The following PALLD variants were observed in gnomAD, a reference collection of about 807,000 sequenced individuals.
PALLD encodes palladin, cytoskeletal associated protein, also known as palladin.
PALLD carries 61 observed loss-of-function variants against 123.5 expected under a neutral mutation model. The ratio of observed to expected loss-of-function variants is 0.49; its 90% CI spans 0.40 to 0.61. The LOEUF (loss-of-function observed/expected upper bound fraction) is 0.61. Ranked by LOEUF, PALLD falls within the 20% of genes least tolerant of loss-of-function variation. PALLD has a pLI of 0.00. For missense variants in PALLD, 1,273 were observed against 1,377.0 expected (o/e 0.92, Z 1.20); for synonymous variants, 465 against 496.4 (o/e 0.94, Z 0.84).
intron 2 of PALLD, among the ~76,000 whole-genome samples, chr4:168,526,215 T>C (rs1247155774): frequency 1.3e-5 from 2 of 152,176 alleles, no homozygotes; most frequent in African/African-American, 4.8e-5. Flanking sequence ...TACTATTTGG[T>C]TTCAGCAGTT....
intron 2 of PALLD, among the ~76,000 whole-genome samples, chr4:168,614,508 G>A (rs2149778187): frequency 6.6e-6 from 1 of 152,082 alleles, no homozygotes; most frequent in East Asian, 1.9e-4. Flanking sequence ...AAACCATAAA[G>A]CAGCAATAAA....
chr4:168,866,589 C>A (rs1249378475), intron 10 of PALLD, among the ~76,000 whole-genome samples: 2 of 152,182 alleles, frequency 1.3e-5, no homozygotes, highest in African/African-American at 4.8e-5. Flanking sequence ...TAGCTGTAAA[C>A]ACATGATGTT....
chr4:168,701,974 C>T (rs1028578154), intron 8 of PALLD, among the ~76,000 whole-genome samples: 3 of 152,334 alleles, frequency 2.0e-5, no homozygotes, highest in Middle Eastern at 3.4e-3. Flanking sequence ...ACATTACAAG[C>T]TTATATCCTG....
intron 2 of PALLD, among the ~76,000 whole-genome samples, chr4:168,659,530 T>C (rs1005685764): frequency 2.0e-5 from 3 of 152,130 alleles, no homozygotes; most frequent in Non-Finnish European, 4.4e-5. Context: ...GAGGAAGAAA[T>C]GGAGAGACAT....
chr4:168,561,482 C>A (rs1320957488), intron 2 of PALLD, among the ~76,000 whole-genome samples: 1 of 152,142 alleles, frequency 6.6e-6, no homozygotes, highest in East Asian at 1.9e-4. Flanking sequence ...GCTATATTGA[C>A]TTGGCTGATC....
chr4:168,782,169 A>G (rs948353772), intron 10 of PALLD, among the ~76,000 whole-genome samples: 1 of 152,224 alleles, frequency 6.6e-6, no homozygotes, highest in Non-Finnish European at 1.5e-5. Context: ...GACACATTCA[A>G]AGATGCTGAC....
chr4:168,794,470 G>T (rs1449436728), intron 10 of PALLD, among the ~76,000 whole-genome samples: 3 of 148,626 alleles, frequency 2.0e-5, no homozygotes, highest in Admixed American at 6.7e-5. Context: ...ACAGACGTAC[G>T]TGCACACGCA....
chr4:168,760,731 T>A (rs1732710571), intron 10 of PALLD, among the ~76,000 whole-genome samples: 1 of 152,262 alleles, frequency 6.6e-6, no homozygotes, highest in South Asian at 2.1e-4. Flanking sequence ...GGATATTGAA[T>A]GTCCAGCTAA....
At chr4:168,874,301 T>A (rs1342767277) in intron 10 of PALLD, among the ~76,000 whole-genome samples, 1 of 152,228 alleles carries the variant, frequency 6.6e-6, no homozygotes, top group Non-Finnish European at 1.5e-5. Context: ...CTGAACTTGC[T>A]TTAATCTAGT....
chr4:168,766,558 A>G (rs901294075), intron 10 of PALLD, among the ~76,000 whole-genome samples: 7 of 152,318 alleles, frequency 4.6e-5, no homozygotes, highest in Admixed American at 2.0e-4. Flanking sequence ...GGACACATGC[A>G]GAGACGGAGA....
intron 10 of PALLD, among the ~76,000 whole-genome samples, chr4:168,807,171 T>A (rs75274913): frequency 0.021 from 3,183 of 151,926 alleles, 121 homozygotes; most frequent in African/African-American, 0.071. Context: ...AGTTAGAAGG[T>A]ACAAATGGGC....
chr4:168,731,511 A>G (rs1234388188), intron 10 of PALLD, among the ~76,000 whole-genome samples: 1 of 152,254 alleles, frequency 6.6e-6, no homozygotes, highest in East Asian at 1.9e-4. Flanking sequence ...ATAATGTGCT[A>G]GCACAGGGCA....
At chr4:168,701,533 A>G (rs976633136) in intron 8 of PALLD, among the ~76,000 whole-genome samples, 3 of 152,242 alleles carry the variant, frequency 2.0e-5, no homozygotes, top group Non-Finnish European at 4.4e-5. Flanking sequence ...TAGAAGCATC[A>G]GAAGGAATTC....
rs1772254996 is a variant in PALLD, at chr4:168,598,831, A to G, written c.909-69359A>G. On this transcript the variant is annotated intron_variant, in intron 2 of 21. Coordinates refer to ENST00000505667, the MANE Select transcript of PALLD (RefSeq NM_001166108.2). ...ACCAGCATACAGCAACAGCAAAATC[A>G]CAATTCACTTCTGTATATCAAAATA... 1.6e-5 allele frequency: 4 copies of G among 243,928 alleles called. No individual in the cohort carries two copies. In the South Asian group the frequency reaches 2.1e-4, roughly 13 times the overall value. 15.1% of individuals were successfully genotyped at this position (243,928 alleles called of 1,614,324 possible).
At chr4:168,663,682 T>C (rs1308794457) in intron 2 of PALLD, among the ~76,000 whole-genome samples, 1 of 152,222 alleles carries the variant, frequency 6.6e-6, no homozygotes, top group East Asian at 1.9e-4. Flanking sequence ...CAAAATTATG[T>C]TCTTTTTGTA....
intron 10 of PALLD, among the ~76,000 whole-genome samples, chr4:168,759,693 C>T (rs1295725821): frequency 6.6e-6 from 1 of 152,040 alleles, no homozygotes; most frequent in African/African-American, 2.4e-5. Flanking sequence ...GAAAAAGTGA[C>T]TGAAATTCTA....
intron 10 of PALLD, among the ~76,000 whole-genome samples, chr4:168,741,201 C>G (rs1057063038): frequency 6.6e-6 from 1 of 152,056 alleles, no homozygotes; most frequent in African/African-American, 2.4e-5. Flanking sequence ...TTCAAGGACA[C>G]CAAAAATGGA....
At chr4:168,519,991 C>G (rs573423959) in intron 2 of PALLD, among the ~76,000 whole-genome samples, 8 of 151,940 alleles carry the variant, frequency 5.3e-5, no homozygotes, top group Non-Finnish European at 1.2e-4. Context: ...CCTAGAACAC[C>G]CAATTACTGT....
intron 10 of PALLD, among the ~76,000 whole-genome samples, chr4:168,789,821 C>T (rs550631098): frequency 4.7e-4 from 71 of 152,060 alleles, no homozygotes; most frequent in African/African-American, 1.6e-3. Context: ...GCAGAGTGTA[C>T]TTACCCTGCA....
Sources: gnomAD v4.1 joint callset for allele counts (sites outside exome capture counted in the v4.1 genomes callset) on GRCh38, gnomAD v4.1.1 for gene constraint, MANE v1.5 for transcripts, NCBI Gene and HGNC (gene_info 2026-07-23, HGNC 2026-07-21) for gene names.